Variants in CDH18 observed in about 807,000 individuals in gnomAD.
CDH18 encodes cadherin 18.
A neutral mutation model predicts 67.9 loss-of-function variants in CDH18; 31 were observed. That is an observed-to-expected ratio of 0.46 (90% CI 0.34 to 0.62). The LOEUF (loss-of-function observed/expected upper bound fraction) is 0.62. CDH18 is among the 20% of genes least tolerant of loss of function. The probability of loss-of-function intolerance (pLI) is 0.01; values close to 1 mark genes in which losing one functional copy is unlikely to be tolerated. For missense variants in CDH18, 890 were observed against 975.5 expected, an observed-to-expected ratio of 0.91 and a Z score of 1.17; for synonymous variants, 362 against 347.2, an observed-to-expected ratio of 1.04 and a Z score of -0.48.
At chr5:20,065,201 G>C (rs1467079697) in intron 2 of CDH18, among the ~76,000 whole-genome samples, 1 of 151,668 alleles carries the variant, frequency 6.6e-6, no homozygotes, top group Non-Finnish European at 1.5e-5. Flanking sequence ...GCTCTCGTGA[G>C]AATCTTTGTT....
At chr5:19,705,275 C>G (rs1195450511) in intron 5 of CDH18, among the ~76,000 whole-genome samples, 1 of 152,144 alleles carries the variant, frequency 6.6e-6, no homozygotes, top group Non-Finnish European at 1.5e-5. Context: ...GACTACTACT[C>G]CTTACTCCTA....
intron 2 of CDH18, among the ~76,000 whole-genome samples, chr5:19,841,747 G>C (rs1425144810): frequency 6.6e-6 from 1 of 152,058 alleles, no homozygotes; most frequent in Non-Finnish European, 1.5e-5. Context: ...ATGAGTACAA[G>C]GTGAAGAAAG....
At chr5:19,810,098 G>A (rs921906105) in intron 3 of CDH18, among the ~76,000 whole-genome samples, 35 of 152,290 alleles carry the variant, frequency 2.3e-4, no homozygotes, top group Admixed American at 7.8e-4. Context: ...GGGATGCCGA[G>A]GTGAGCGGAT....
chr5:19,742,981 C>G (rs1334824251), intron 4 of CDH18, among the ~76,000 whole-genome samples: 1 of 152,032 alleles, frequency 6.6e-6, no homozygotes, highest in African/African-American at 2.4e-5. Context: ...ATATTTAGAA[C>G]CACTTATTCC....
At chr5:19,717,358 A>AT (rs1323895841) in intron 5 of CDH18, among the ~76,000 whole-genome samples, 4 of 151,984 alleles carry the variant, frequency 2.6e-5, no homozygotes, top group African/African-American at 7.2e-5. Context: ...GCATTAAGAG[A>AT]TTTTCATGTC....
intron 10 of CDH18, among the ~76,000 whole-genome samples, chr5:19,507,664 C>G (rs1009036602): frequency 6.6e-6 from 1 of 152,078 alleles, no homozygotes; most frequent in Non-Finnish European, 1.5e-5. Flanking sequence ...GACAAAAAAC[C>G]AAACACCACA....
intron 2 of CDH18, among the ~76,000 whole-genome samples, chr5:19,880,853 A>T (rs1787566163): frequency 6.6e-6 from 1 of 152,132 alleles, no homozygotes; most frequent in African/African-American, 2.4e-5. Context: ...GATGCCATTA[A>T]CTCTCAAAAG....
intron 1 of CDH18, among the ~76,000 whole-genome samples, chr5:20,449,007 A>G (rs890858300): frequency 6.6e-6 from 1 of 151,978 alleles, no homozygotes; most frequent in African/African-American, 2.4e-5. Context: ...ATATATATAT[A>G]TATCCGATAC....
intron 2 of CDH18, among the ~76,000 whole-genome samples, chr5:19,852,181 A>G (rs1319514173): frequency 6.6e-6 from 1 of 152,022 alleles, no homozygotes; most frequent in Non-Finnish European, 1.5e-5. Context: ...TTTGGGGTCA[A>G]GCTGATTTCT....
intron 2 of CDH18, among the ~76,000 whole-genome samples, chr5:20,081,492 G>A (rs1040261450): frequency 2.0e-5 from 3 of 152,102 alleles, no homozygotes; most frequent in Admixed American, 2.0e-4. Context: ...AAAGATACAT[G>A]CATAAATACA....
At chr5:20,546,971 CT>C (rs1757378874) in intron 1 of CDH18, among the ~76,000 whole-genome samples, 1 of 152,070 alleles carries the variant, frequency 6.6e-6, no homozygotes, top group South Asian at 2.1e-4. Context: ...ACATTATTTG[CT>C]TGTGTTTGAT....
At chr5:20,258,461 C>T (rs895546348) in intron 1 of CDH18, among the ~76,000 whole-genome samples, 5 of 78,502 alleles carry the variant, frequency 6.4e-5, no homozygotes, top group African/African-American at 1.6e-4. Flanking sequence ...AAGGGCAATC[C>T]TCCATGTGAA....
intron 1 of CDH18, among the ~76,000 whole-genome samples, chr5:20,328,473 TTGTGTG>T (rs70954646): frequency 0.19 from 26,658 of 141,206 alleles, 3,177 homozygotes; most frequent in African/African-American, 0.35. Context: ...GAGAAGCCAT[TTGTGTG>T]TGTGTGTGTG....
chr5:19,500,289 A>C (rs189603979), intron 11 of CDH18, among the ~76,000 whole-genome samples: 3 of 152,086 alleles, frequency 2.0e-5, no homozygotes, highest in Admixed American at 6.6e-5. Flanking sequence ...TTTATTTTTA[A>C]TTTCATCTTT....
intron 10 of CDH18, 26 bp from the exon 11 acceptor site, chr5:19,503,135 G>C: frequency 1.7e-6 from 2 of 1,150,292 alleles, no homozygotes; most frequent in Non-Finnish European, 2.6e-6. Context: ...ACTCTAAATC[G>C]TAAATTTAAT....
chr5:20,195,111 A>T (rs929114442), intron 2 of CDH18, among the ~76,000 whole-genome samples: 4 of 152,062 alleles, frequency 2.6e-5, no homozygotes, highest in African/African-American at 9.7e-5. Context: ...AAGCCTACAG[A>T]TACCTCCATC....
chr5:19,498,647 C>G (rs1561202781), intron 11 of CDH18, among the ~76,000 whole-genome samples: 2 of 152,144 alleles, frequency 1.3e-5, no homozygotes, highest in Non-Finnish European at 1.5e-5. Flanking sequence ...TGACTTCTCA[C>G]AGCCTAAGAA....
chr5:19,566,633 A>G (rs1336977683), intron 8 of CDH18, among the ~76,000 whole-genome samples: 1 of 152,094 alleles, frequency 6.6e-6, no homozygotes, highest in Non-Finnish European at 1.5e-5. Context: ...ACTATGGAGG[A>G]AACCGCCCCC....
At chr5:19,811,150 GAAAGAAAGA>G (rs2149896906) in intron 3 of CDH18, among the ~76,000 whole-genome samples, 1 of 36,390 alleles carries the variant, frequency 2.7e-5, no homozygotes, top group Admixed American at 2.9e-4. Flanking sequence ...AAGAAAGAAA[GAAAGAAAGA>G]AGGAGAGAAA....
Sources: gnomAD v4.1 joint callset for allele counts (sites outside exome capture counted in the v4.1 genomes callset) on GRCh38, gnomAD v4.1.1 for gene constraint, MANE v1.5 for transcripts, NCBI Gene and HGNC (gene_info 2026-07-23, HGNC 2026-07-21) for gene names.